ZEB1: variants seen among roughly 807,000 people sequenced by gnomAD.
ZEB1 encodes the protein zinc finger E-box-binding homeobox 1.
A neutral mutation model predicts 84.9 loss-of-function variants in ZEB1; 21 were observed. The observed-to-expected ratio is 0.25, with a 90% CI of 0.18 to 0.36. The LOEUF (loss-of-function observed/expected upper bound fraction) is 0.36, where lower values mean the gene tolerates loss of function less well. Among genes scored for constraint, ZEB1 ranks in the 10% least tolerant of loss-of-function variants. ZEB1 has a pLI of 1.00. For missense variants in ZEB1, 1,104 were observed against 1,330.2 expected, an observed-to-expected ratio of 0.83 and a Z score of 2.65; for synonymous variants, 420 against 471.1, an observed-to-expected ratio of 0.89 and a Z score of 1.41.
chr10:31,392,711 G>A (rs962857496), intron 1 of ZEB1, among the ~76,000 whole-genome samples: 1 of 151,768 alleles, frequency 6.6e-6, no homozygotes, highest in Non-Finnish European at 1.5e-5. Context: ...TATAGAGGAT[G>A]TTATATAAAA....
chr10:31,411,705 C>G (rs1230369262), intron 1 of ZEB1, among the ~76,000 whole-genome samples: 1 of 149,884 alleles, frequency 6.7e-6, no homozygotes, highest in African/African-American at 2.5e-5. Context: ...AAATTTCTCT[C>G]CCACAAGAGA....
intron 2 of ZEB1, among the ~76,000 whole-genome samples, chr10:31,467,068 T>C (rs2062524380): frequency 6.6e-6 from 1 of 151,808 alleles, no homozygotes; most frequent in Non-Finnish European, 1.5e-5. Flanking sequence ...ATTGAAGAAG[T>C]AGGAAGCAAC....
intron 1 of ZEB1, among the ~76,000 whole-genome samples, chr10:31,334,255 T>G (rs1196230016): frequency 1.3e-5 from 2 of 152,102 alleles, no homozygotes; most frequent in East Asian, 1.9e-4. Context: ...CTGATCACAT[T>G]CTGGTCAAAT....
At chr10:31,319,026 C>T (rs2032897010), upstream of ZEB1, 2 of 623,254 alleles carry the variant, frequency 3.2e-6, no homozygotes, top group African/African-American at 1.8e-5. Flanking sequence ...GCAGTGCCCA[C>T]GGTTGCCGCA....
intron 1 of ZEB1, among the ~76,000 whole-genome samples, chr10:31,326,754 G>A (rs2035584784): frequency 6.6e-6 from 1 of 152,184 alleles, no homozygotes; most frequent in South Asian, 2.1e-4. Flanking sequence ...ACCAAAATGT[G>A]TAGAATGCTT....
chr10:31,475,818 C>T (rs2064078561), intron 2 of ZEB1, among the ~76,000 whole-genome samples: 1 of 152,040 alleles, frequency 6.6e-6, no homozygotes, highest in Non-Finnish European at 1.5e-5. Context: ...GGATAATACT[C>T]ACCATCATAT....
intron 2 of ZEB1, among the ~76,000 whole-genome samples, chr10:31,474,082 T>C (rs1285239433): frequency 5.9e-5 from 9 of 152,188 alleles, no homozygotes; most frequent in Non-Finnish European, 7.4e-5. Context: ...AAGATTTAAA[T>C]GTTAAACCTA....
At chr10:31,364,302 T>A (rs902289405) in intron 1 of ZEB1, among the ~76,000 whole-genome samples, 1 of 152,154 alleles carries the variant, frequency 6.6e-6, no homozygotes, top group Non-Finnish European at 1.5e-5. Context: ...GATATCCTGC[T>A]CCTGGGGGCA....
chr10:31,345,539 A>G (rs10508762), intron 1 of ZEB1, among the ~76,000 whole-genome samples: 7,854 of 152,206 alleles, frequency 0.052, 583 homozygotes, highest in East Asian at 0.18. Flanking sequence ...AGCTAAAGAC[A>G]AAACCAAATC....
chr10:31,448,817 G>A (rs922726510), intron 1 of ZEB1, among the ~76,000 whole-genome samples: 1 of 152,158 alleles, frequency 6.6e-6, no homozygotes, highest in African/African-American at 2.4e-5. Flanking sequence ...TCTCTTCAAA[G>A]CTGTCAGACA....
chr10:31,359,597 A>C (rs2042662271), intron 1 of ZEB1, among the ~76,000 whole-genome samples: 1 of 152,122 alleles, frequency 6.6e-6, no homozygotes, highest in African/African-American at 2.4e-5. Context: ...CTATGTTTGT[A>C]ATGCTTTTAA....
chr10:31,495,786 A>G lies in ZEB1; in HGVS notation c.270A>G (p.Glu90=). The G allele has an allele frequency of 1.2e-6, 2 of 1,612,914 alleles. No individual in the cohort carries two copies. Among genetic ancestry groups the G allele is most frequent in the African/African-American group, 1.3e-5 (1 of 74,972 alleles). The change falls in exon 3 of 9, where the codon GAA becomes GAG. Residue 90 remains glutamate, a synonymous_variant. Transcript: ENST00000424869. ...CTTCTTTGATTTCAGCAGGAAAGGA[A>G]GGGCAAGAAATCCTGGGGCCTGAAG... ...KNCWEDDTGK[E]GQEILGPEAQ... is the part of the protein sequence containing the mutation.
At position 31,398,688 on chromosome 10, in the gene ZEB1, C is replaced by T. The variant is rs765941292; in HGVS notation, c.59-62349C>T. Reference sequence around the variant, plus strand: ...ATTGTACTTCTTAATGACTGCCATGCTGCCAATCAGATGGTCATCTCAGTC... The same window carrying T: ...ATTGTACTTCTTAATGACTGCCATGTTGCCAATCAGATGGTCATCTCAGTC... On this transcript the variant is annotated intron_variant, in intron 1 of 8. Coordinates refer to ENST00000424869, the MANE Select transcript of ZEB1 (RefSeq NM_001174096.2). 5.6e-4 allele frequency among the ~76,000 whole-genome samples: 86 copies of T among 152,308 alleles called. 2 individuals are homozygous for T. Among genetic ancestry groups the T allele is most frequent in the Non-Finnish European group, 9.4e-4 (64 of 68,028 alleles).
At chr10:31,319,366 G>C (rs1012528755) in intron 1 of ZEB1, 74 bp downstream of exon 1, 4 of 1,506,264 alleles carry the variant, frequency 2.7e-6, no homozygotes, top group Admixed American at 1.9e-5. Context: ...CGGGGGTGAG[G>C]GGGGCGAGCC....
At position 31,500,458 on chromosome 10, in the gene ZEB1, A is replaced by G. The variant is rs977030363; in HGVS notation, c.323-1890A>G. Among the ~76,000 whole-genome samples the G allele has an allele frequency of 3.3e-5, 5 of 152,142 alleles. No homozygotes were observed. The South Asian group carries it at 6.2e-4, about 19-fold the overall frequency. ...TTATATAGTTAATTGCAGCTTCCCAACCAGGACCAGCATACCCCCATTTCA... is the reference window on the plus strand; with the variant it reads ...TTATATAGTTAATTGCAGCTTCCCAGCCAGGACCAGCATACCCCCATTTCA... On this transcript the variant is annotated intron_variant, in intron 3 of 8. Transcript: ENST00000424869.
At chr10:31,519,403 T>C (rs1269571205) in intron 6 of ZEB1, among the ~76,000 whole-genome samples, 1 of 152,178 alleles carries the variant, frequency 6.6e-6, no homozygotes, top group African/African-American at 2.4e-5. Flanking sequence ...AAAGGCTACT[T>C]TGACAGTGCG....
chr10:31,406,223 T>C (rs1023513197), intron 1 of ZEB1, among the ~76,000 whole-genome samples: 1 of 152,100 alleles, frequency 6.6e-6, no homozygotes, highest in South Asian at 2.1e-4. Context: ...ATGGGATTGC[T>C]GGGTCAAATG....
intron 2 of ZEB1, among the ~76,000 whole-genome samples, chr10:31,489,439 C>T (rs781767840): frequency 6.0e-5 from 9 of 150,724 alleles, no homozygotes; most frequent in Non-Finnish European, 1.0e-4. Context: ...CATCTCTGCC[C>T]TTAATTGGTT....
chr10:31,375,140 A>T (rs1250786830), intron 1 of ZEB1, among the ~76,000 whole-genome samples: 1 of 151,160 alleles, frequency 6.6e-6, no homozygotes, highest in Non-Finnish European at 1.5e-5. Context: ...TCCAAAGAGC[A>T]TTTGGATGTC....
Sources: allele counts gnomAD v4.1 joint callset (sites outside exome capture counted in the v4.1 genomes callset), GRCh38; gene constraint gnomAD v4.1.1; transcripts MANE v1.5; gene names NCBI Gene and HGNC (gene_info 2026-07-23, HGNC 2026-07-21).